The following ANO3 variants were observed in gnomAD, a reference collection of about 807,000 sequenced individuals.
ANO3 encodes anoctamin 3.
A neutral mutation model predicts 144.8 loss-of-function variants in ANO3; 99 were observed. The ratio of observed to expected loss-of-function variants is 0.68; its 90% confidence interval spans 0.58 to 0.81. ANO3 has a LOEUF of 0.81. ANO3 is among the 30% of genes least tolerant of loss of function. The pLI, the probability that ANO3 is intolerant of heterozygous loss-of-function variation, is 0.00. For missense variants in ANO3, 905 were observed against 1,202.2 expected (o/e 0.75, Z 3.66); for synonymous variants, 414 against 392.6 (o/e 1.05, Z -0.64).
intron 1 of ANO3, among the ~76,000 whole-genome samples, chr11:26,324,817 G>C (rs113708238): frequency 1.3e-5 from 2 of 152,134 alleles, no homozygotes; most frequent in South Asian, 4.1e-4. Context: ...TAATATTACC[G>C]TTAGGTACTC....
chr11:26,566,394 AC>A (rs1850584799), intron 14 of ANO3, among the ~76,000 whole-genome samples: 2 of 152,136 alleles, frequency 1.3e-5, no homozygotes, highest in South Asian at 4.1e-4. Context: ...CATTAAATGC[AC>A]CATATATTAG....
intron 3 of ANO3, chr11:26,460,074 T>C (rs1228952058): frequency 2.2e-6 from 1 of 451,798 alleles, no homozygotes; most frequent in Non-Finnish European, 4.4e-6. Flanking sequence ...GATTTCAACA[T>C]GAGACCTGGA....
At chr11:26,636,310 C>T (rs1217471855) in intron 20 of ANO3, among the ~76,000 whole-genome samples, 1 of 152,094 alleles carries the variant, frequency 6.6e-6, no homozygotes, top group African/African-American at 2.4e-5. Flanking sequence ...GCCATAATTA[C>T]AAAATTTAAA....
intron 1 of ANO3, among the ~76,000 whole-genome samples, chr11:26,394,976 A>G (rs936578275): frequency 1.3e-5 from 2 of 152,148 alleles, no homozygotes; most frequent in African/African-American, 4.8e-5. Flanking sequence ...AATACAGCAG[A>G]TATTTATCTT....
chr11:26,333,218 C>T (rs545763681), intron 1 of ANO3, among the ~76,000 whole-genome samples: 7 of 152,064 alleles, frequency 4.6e-5, no homozygotes, highest in Non-Finnish European at 8.8e-5. Flanking sequence ...TAAATATTCT[C>T]ATCCCCACCC....
chr11:26,298,385 C>T (rs1590242763), intron 1 of ANO3, among the ~76,000 whole-genome samples: 1 of 151,866 alleles, frequency 6.6e-6, no homozygotes, highest in Admixed American at 6.6e-5. Flanking sequence ...GCTAACAAAT[C>T]ATATATAAAC....
chr11:26,478,155 G>A (rs1235546828), intron 4 of ANO3, among the ~76,000 whole-genome samples: 5 of 152,032 alleles, frequency 3.3e-5, no homozygotes, highest in African/African-American at 1.2e-4. Flanking sequence ...TGAGAGTAAC[G>A]AGATCTGGTT....
At chr11:26,501,378 T>C (rs1238167168) in intron 4 of ANO3, among the ~76,000 whole-genome samples, 2 of 152,124 alleles carry the variant, frequency 1.3e-5, no homozygotes, top group Non-Finnish European at 1.5e-5. Context: ...AAATACCTAC[T>C]AAATGGGTAT....
chr11:26,419,217 C>CT (rs1857682725), intron 1 of ANO3, among the ~76,000 whole-genome samples: 1 of 152,082 alleles, frequency 6.6e-6, no homozygotes, highest in Admixed American at 6.6e-5. Flanking sequence ...TATGAGAACT[C>CT]TATCATGAGA....
intron 8 of ANO3, among the ~76,000 whole-genome samples, chr11:26,532,797 T>A (rs951605963): frequency 1.3e-5 from 2 of 152,100 alleles, no homozygotes; most frequent in Non-Finnish European, 2.9e-5. Context: ...TCTGAAAATG[T>A]GACCTAAAGT....
intron 4 of ANO3, among the ~76,000 whole-genome samples, chr11:26,465,341 G>A (rs911176075): frequency 5.3e-5 from 8 of 151,268 alleles, no homozygotes; most frequent in African/African-American, 1.9e-4. Flanking sequence ...GGCTGAAGAT[G>A]TGTGCCTTAT....
rs538716339 is a variant in ANO3 at position 26,303,040 on chromosome 11, T to C, written c.155-6605T>C. Among the ~76,000 whole-genome samples the C allele has an allele frequency of 4.6e-5, 7 of 151,996 alleles. No individual in the cohort carries two copies. In the South Asian group the frequency reaches 1.5e-3, roughly 31 times the overall value. ...TGGTTATAATTAAAAAGTAAAACAA[T>C]AACAAATGCTAGTGAGGCTTCAGAT... is the stretch of plus-strand genomic sequence containing the variant. On this transcript the variant is annotated intron_variant, in intron 1 of 27. Coordinates refer to the ANO3 transcript ENST00000672621.
At position 26,296,094 on chromosome 11, in the gene ANO3, T is replaced by C. The variant is rs539585713; in HGVS notation, c.155-13551T>C. Among the ~76,000 whole-genome samples, 8 of 152,302 alleles carry C rather than the reference T, an allele frequency of 5.3e-5. No homozygotes were observed. The South Asian group carries it at 1.7e-3, about 32-fold the overall frequency. On this transcript the variant is annotated intron_variant, in intron 1 of 27. Transcript: ENST00000672621. ...TCAAAATAAAGAAATGAAAACAAAGTGGTTTATTATTCTCAGTAGTAAATT... is the reference window on the plus strand; with the variant it reads ...TCAAAATAAAGAAATGAAAACAAAGCGGTTTATTATTCTCAGTAGTAAATT...
At position 26,262,789 on chromosome 11, in the gene ANO3, G is replaced by A. The variant is rs751859085; in HGVS notation, c.155-46856G>A. Among the ~76,000 whole-genome samples the A allele has an allele frequency of 6.8e-4, 104 of 151,994 alleles. 1 individual carries two copies. Among genetic ancestry groups the A allele is most frequent in the Non-Finnish European group, 8.2e-4 (56 of 67,978 alleles). On this transcript the variant is annotated intron_variant, in intron 1 of 27. Transcript: ENST00000672621. ...TCTTTCAACCAAGTGAGGATACAAT[G>A]AGAAGATGGCTGCCTGCAAACCAGG...
At chr11:26,460,229 A>T (rs536965594) in intron 3 of ANO3, 6 of 320,760 alleles carry the variant, frequency 1.9e-5, no homozygotes, top group African/African-American at 6.7e-5. Context: ...ATATTTTTTC[A>T]TTTTTATTCT....
chr11:26,531,346 C>T lies in ANO3; in HGVS notation c.869+10C>T. ...GTGCACGGATTCACCAGTGAGTTCC[C>T]CTCTTTTTTCATACTGCCTACCTTT... On this transcript the variant is annotated intron_variant, in intron 8 of 26. Transcript: ENST00000256737. The T allele has an allele frequency of 6.3e-7, 1 of 1,596,928 alleles. No individual in the cohort carries two copies. The highest frequency in any genetic ancestry group is 8.5e-7 in the Non-Finnish European group (1 of 1,173,472).
At chr11:26,249,282 G>C (rs1240430786) in intron 1 of ANO3, among the ~76,000 whole-genome samples, 1 of 152,142 alleles carries the variant, frequency 6.6e-6, no homozygotes, top group Non-Finnish European at 1.5e-5. Context: ...AAATGACTTT[G>C]TGAAAGCAAC....
At chr11:26,254,470 C>T (rs962382414) in intron 1 of ANO3, among the ~76,000 whole-genome samples, 17 of 151,960 alleles carry the variant, frequency 1.1e-4, no homozygotes, top group African/African-American at 3.9e-4. Context: ...AAGTATTATC[C>T]ACATTTCTAG....
At chr11:26,659,363 C>CTT (rs34724600) in intron 26 of ANO3, among the ~76,000 whole-genome samples, 9 of 146,488 alleles carry the variant, frequency 6.1e-5, no homozygotes, top group Non-Finnish European at 1.1e-4. Context: ...TTTATTCCTG[C>CTT]TTTTTTTTTT....
Sources: allele counts gnomAD v4.1 joint callset (sites outside exome capture counted in the v4.1 genomes callset), GRCh38; gene constraint gnomAD v4.1.1; transcripts MANE v1.5; gene names NCBI Gene and HGNC (gene_info 2026-07-23, HGNC 2026-07-21).